TENM3: variants seen among roughly 807,000 people sequenced by gnomAD.
The protein encoded by TENM3 is teneurin transmembrane protein 3, also known as teneurin-3.
TENM3 carries 63 observed loss-of-function variants against 255.1 expected under a neutral mutation model. The ratio of observed to expected loss-of-function variants is 0.25; its 90% CI spans 0.20 to 0.30. TENM3 has a LOEUF of 0.30. Among genes scored for constraint, TENM3 ranks in the 10% least tolerant of loss-of-function variants. The probability of loss-of-function intolerance (pLI) is 1.00; values close to 1 mark genes in which losing one functional copy is unlikely to be tolerated. For synonymous variants in TENM3, 1,306 were observed against 1,322.3 expected, an observed-to-expected ratio of 0.99 and a Z score of 0.27; for missense variants, 2,929 against 3,461.1, an observed-to-expected ratio of 0.85 and a Z score of 3.86.
chr4:182,735,862 A>G (rs1761120098), intron 16 of TENM3, among the ~76,000 whole-genome samples: 1 of 152,180 alleles, frequency 6.6e-6, no homozygotes, highest in Admixed American at 6.5e-5. Flanking sequence ...TGTATTTTGC[A>G]TTTCTTAATA....
chr4:181,760,454 C>T, the TENM3 span, among the ~76,000 whole-genome samples: 60,221 of 151,922 alleles, frequency 0.4, 13,432 homozygotes, highest in East Asian at 0.6. Context: ...TAATAGACCA[C>T]GATTGTGTAA....
At chr4:181,773,346 T>C in the TENM3 span, among the ~76,000 whole-genome samples, 9 of 152,252 alleles carry the variant, frequency 5.9e-5, no homozygotes, top group South Asian at 1.2e-3. Flanking sequence ...TGGAATATGC[T>C]CCCATTTCTA....
At chr4:181,564,381 G>A in the TENM3 span, among the ~76,000 whole-genome samples, 2 of 152,112 alleles carry the variant, frequency 1.3e-5, no homozygotes, top group Non-Finnish European at 2.9e-5. Flanking sequence ...TGAGGATAAT[G>A]AGGCACAGAG....
chr4:182,093,517 A>G, the TENM3 span, among the ~76,000 whole-genome samples: 19 of 152,316 alleles, frequency 1.2e-4, no homozygotes, highest in South Asian at 2.1e-3. Context: ...CGTGATAGGA[A>G]CACGTGTGCA....
chr4:182,541,521 G>C (rs1740876955), intron 3 of TENM3, among the ~76,000 whole-genome samples: 1 of 152,162 alleles, frequency 6.6e-6, no homozygotes, highest in Non-Finnish European at 1.5e-5. Flanking sequence ...AAAAAAGTTA[G>C]ATGAGAACTT....
chr4:182,687,428 A>G (rs899115120), intron 11 of TENM3, among the ~76,000 whole-genome samples: 2 of 152,138 alleles, frequency 1.3e-5, no homozygotes, highest in Admixed American at 1.3e-4. Context: ...CCTGGTATTA[A>G]AACATTTGAA....
the TENM3 span, among the ~76,000 whole-genome samples, chr4:181,504,756 T>G: frequency 6.6e-6 from 1 of 152,238 alleles, no homozygotes; most frequent in African/African-American, 2.4e-5. Context: ...ACTCTGAGGT[T>G]GGGTACAGCT....
At chr4:182,166,322 C>T (rs1751720143) in intron 1 of TENM3, among the ~76,000 whole-genome samples, 5 of 152,114 alleles carry the variant, frequency 3.3e-5, no homozygotes, top group Admixed American at 2.6e-4. Context: ...TCAGCATTGA[C>T]GATATGATTG....
chr4:181,887,467 T>C, the TENM3 span, among the ~76,000 whole-genome samples: 1 of 152,228 alleles, frequency 6.6e-6, no homozygotes, highest in African/African-American at 2.4e-5. Context: ...ATTCTGGTTC[T>C]CTTTTTTTCC....
intron 3 of TENM3, among the ~76,000 whole-genome samples, chr4:182,463,040 T>A (rs995365026): frequency 1.1e-4 from 16 of 152,230 alleles, no homozygotes; most frequent in African/African-American, 3.6e-4. Context: ...TAGTCAGCCC[T>A]CCCCGTGTGC....
intron 3 of TENM3, among the ~76,000 whole-genome samples, chr4:182,547,028 T>C (rs960427259): frequency 3.9e-5 from 6 of 152,150 alleles, no homozygotes; most frequent in African/African-American, 1.4e-4. Flanking sequence ...ACAAAAGAAA[T>C]ATCTCCTCTT....
At chr4:181,578,106 C>A in the TENM3 span, among the ~76,000 whole-genome samples, 1 of 152,196 alleles carries the variant, frequency 6.6e-6, no homozygotes, top group Non-Finnish European at 1.5e-5. Context: ...GGATCAGGCC[C>A]ATGAACCAGA....
Position 182,792,331 on chromosome 4 carries a change from G to C in TENM3, c.5659G>C (p.Asp1887His), listed in dbSNP as rs1482945789. ...GTACATCTTCGAATACGATATGTGG[G>C]ACCGCCTGTCTGCCATCACCATGCC... Reference protein sequence around the residue: ...RQYIFEYDMWDRLSAITMPSV... With the variant: ...RQYIFEYDMWHRLSAITMPSV... The change falls in exon 26 of 28, where the codon GAC (aspartate) becomes CAC (histidine). Residue 1887 changes from aspartate (D) to histidine (H), a missense_variant. This residue lies in a region of TENM3 where 303 missense variants were observed against 425.2 expected (regional missense o/e 0.71). Transcript: ENST00000511685. This position sits in a 1 kb window ranked among gnomAD's most constrained non-coding sequence, Gnocchi z 6.3. 8 of 1,613,846 alleles carry C rather than the reference G, an allele frequency of 5.0e-6. No homozygotes were observed. Among genetic ancestry groups the C allele is most frequent in the Non-Finnish European group, 6.8e-6 (8 of 1,179,912 alleles).
chr4:182,463,267 G>A (rs551746590), intron 3 of TENM3, among the ~76,000 whole-genome samples: 3 of 151,870 alleles, frequency 2.0e-5, no homozygotes, highest in East Asian at 1.9e-4. Context: ...AAAAAAACTC[G>A]GTGTTACTCT....
the TENM3 span, among the ~76,000 whole-genome samples, chr4:181,782,786 C>A: frequency 6.6e-6 from 1 of 152,168 alleles, no homozygotes; most frequent in African/African-American, 2.4e-5. Context: ...CAACACACTG[C>A]TTTAAATGTG....
the TENM3 span, among the ~76,000 whole-genome samples, chr4:182,047,547 C>G: frequency 0.016 from 1,708 of 105,978 alleles, 41 homozygotes; most frequent in African/African-American, 0.06. Flanking sequence ...GGTGACAGAA[C>G]GAGACTCCAT....
At chr4:182,111,476 G>C in the TENM3 span, among the ~76,000 whole-genome samples, 1 of 151,956 alleles carries the variant, frequency 6.6e-6, no homozygotes, top group Admixed American at 6.6e-5. Flanking sequence ...CTTTTTAAAG[G>C]GCATGTACTC....
the TENM3 span, among the ~76,000 whole-genome samples, chr4:182,104,840 G>T: frequency 6.6e-6 from 1 of 151,990 alleles, no homozygotes; most frequent in African/African-American, 2.4e-5. Flanking sequence ...GTTGTTGTAG[G>T]TCAGGTTATT....
the TENM3 span, among the ~76,000 whole-genome samples, chr4:181,471,503 G>A: frequency 2.0e-5 from 3 of 152,094 alleles, no homozygotes; most frequent in South Asian, 2.1e-4. Flanking sequence ...TTAAATGCAG[G>A]CATGGTGAGG....
Sources: allele counts gnomAD v4.1 joint callset (sites outside exome capture counted in the v4.1 genomes callset), GRCh38; gene constraint gnomAD v4.1.1; regional missense constraint gnomAD v4.1.1; non-coding constraint Gnocchi (gnomAD v3.1); transcripts MANE v1.5; gene names NCBI Gene and HGNC (gene_info 2026-07-23, HGNC 2026-07-21).